PRKAR2A: variants seen among roughly 807,000 people sequenced by gnomAD.
PRKAR2A encodes protein kinase cAMP-dependent type II regulatory subunit alpha, also known as cAMP-dependent protein kinase type II-alpha regulatory subunit.
In PRKAR2A, 29 loss-of-function variants were observed where a neutral mutation model predicts 51.9. The ratio of observed to expected loss-of-function variants is 0.56; its 90% CI spans 0.42 to 0.76. The LOEUF is 0.76. PRKAR2A is among the 30% of genes least tolerant of loss of function. The probability of loss-of-function intolerance (pLI) is 0.00; values close to 1 mark genes in which losing one functional copy is unlikely to be tolerated. For missense variants in PRKAR2A, 445 were observed against 512.1 expected (o/e 0.87, Z 1.26); for synonymous variants, 178 against 186.2 (o/e 0.96, Z 0.36).
chr3:48,790,430 G>A (rs1394466630), intron 4 of PRKAR2A, 114 bp downstream of exon 4: 1 of 621,266 alleles, frequency 1.6e-6, no homozygotes, highest in African/African-American at 1.9e-5. Flanking sequence ...ATGAATCTAA[G>A]GTTTTATGCT....
At chr3:48,783,329 A>C (rs1324481486) in intron 4 of PRKAR2A, among the ~76,000 whole-genome samples, 2 of 152,144 alleles carry the variant, frequency 1.3e-5, no homozygotes, top group African/African-American at 4.8e-5. Flanking sequence ...AAAGCTTCCC[A>C]AAATTTACAC....
intron 6 of PRKAR2A, among the ~76,000 whole-genome samples, chr3:48,772,672 G>A (rs917775639): frequency 4.0e-5 from 6 of 151,682 alleles, no homozygotes; most frequent in African/African-American, 9.7e-5. Flanking sequence ...ACGGAGTCTC[G>A]CTGTGTCGCC....
chr3:48,817,529 T>C (rs1001786603), intron 1 of PRKAR2A, among the ~76,000 whole-genome samples: 6 of 149,088 alleles, frequency 4.0e-5, no homozygotes, highest in African/African-American at 1.5e-4. Flanking sequence ...GGCGGGCGCC[T>C]GTAATCCCAG....
In PRKAR2A at chr3:48,847,147, G is replaced by C. The variant is rs2083477010; in HGVS notation, c.262+188C>G. Among the ~76,000 whole-genome samples, 1 of 152,192 alleles carries C rather than the reference G, an allele frequency of 6.6e-6. No homozygotes were observed. The highest frequency in any genetic ancestry group is 2.4e-5 in the African/African-American group (1 of 41,448). ...GCTCTAGGGCTCGCAGGATCGCGGA[G>C]CTCAATTTGGAAGTGGCGCACGCGG... On this transcript the variant is annotated intron_variant, in intron 1 of 10. Transcript: ENST00000265563. This position sits in a 1 kb window ranked among gnomAD's most constrained non-coding sequence, Gnocchi z 4.4.
rs2081638779 is a variant in PRKAR2A, at chr3:48,750,991, G to T, written c.*594C>A. The T allele has an allele frequency of 4.2e-6, 1 of 240,528 alleles. No individual in the cohort carries two copies. Among genetic ancestry groups the T allele is most frequent in the Non-Finnish European group, 8.3e-6 (1 of 121,178 alleles). The allele number at this position is 240,528 out of a possible 1,614,324, so 14.9% of individuals were successfully genotyped here. On this transcript the variant is annotated 3_prime_UTR_variant, in exon 11 of 11. Coordinates refer to ENST00000265563, the MANE Select transcript of PRKAR2A (RefSeq NM_004157.4). ...TTCCCTAAGCATCACTGTGGGTTTGGAGACAGCTGTAATGTGTGCAGCTGT... is the reference window on the plus strand; with the variant it reads ...TTCCCTAAGCATCACTGTGGGTTTGTAGACAGCTGTAATGTGTGCAGCTGT...
intron 1 of PRKAR2A, among the ~76,000 whole-genome samples, chr3:48,820,803 G>A (rs371808882): frequency 4.6e-5 from 7 of 152,106 alleles, no homozygotes; most frequent in African/African-American, 1.7e-4. Flanking sequence ...AGGCAGAAGG[G>A]AAGGCATATG....
At chr3:48,827,062 C>T (rs2083080255) in intron 1 of PRKAR2A, among the ~76,000 whole-genome samples, 1 of 152,082 alleles carries the variant, frequency 6.6e-6, no homozygotes, top group East Asian at 1.9e-4. Context: ...TATCTACTAA[C>T]CATTTTTAAA....
rs539583646 is a variant in PRKAR2A, at chr3:48,815,901, C to T, written c.263-8217G>A. ...GGGCGTGGTGGCACGCGCCTGTAAT[C>T]CCAGCTACTCAGGAGGCTGAGGCAG... On this transcript the variant is annotated intron_variant, in intron 1 of 10. Coordinates refer to ENST00000265563, the MANE Select transcript of PRKAR2A (RefSeq NM_004157.4). Among the ~76,000 whole-genome samples the T allele has an allele frequency of 4.6e-5, 7 of 151,620 alleles. No homozygotes were observed. In the East Asian group the frequency reaches 1.4e-3, roughly 30 times the overall value.
chr3:48,809,749 A>G (rs1466932369), intron 1 of PRKAR2A, among the ~76,000 whole-genome samples: 1 of 152,130 alleles, frequency 6.6e-6, no homozygotes, highest in Non-Finnish European at 1.5e-5. Flanking sequence ...ATCTATAAAT[A>G]AGGGTGCTGT....
At chr3:48,784,720 G>C (rs1419998985) in intron 4 of PRKAR2A, among the ~76,000 whole-genome samples, 1 of 152,168 alleles carries the variant, frequency 6.6e-6, no homozygotes, top group Non-Finnish European at 1.5e-5. Context: ...ATGAAATACA[G>C]TAAGTCCTCA....
intron 2 of PRKAR2A, among the ~76,000 whole-genome samples, chr3:48,806,494 A>T (rs1178004582): frequency 6.6e-6 from 1 of 152,160 alleles, no homozygotes; most frequent in Non-Finnish European, 1.5e-5. Flanking sequence ...TTTTTAAAAA[A>T]GATGATGTGC....
intron 1 of PRKAR2A, among the ~76,000 whole-genome samples, chr3:48,808,134 G>A (rs1386083588): frequency 6.9e-6 from 1 of 145,618 alleles, no homozygotes; most frequent in Admixed American, 7.3e-5. Flanking sequence ...TGCAAGCTCC[G>A]CCTCCCACGT....
chr3:48,821,421 C>G (rs1449540807), intron 1 of PRKAR2A, among the ~76,000 whole-genome samples: 1 of 152,214 alleles, frequency 6.6e-6, no homozygotes, highest in Non-Finnish European at 1.5e-5. Context: ...AAAACTCTTA[C>G]TGATAATCCA....
chr3:48,789,406 C>T (rs2082346397), intron 4 of PRKAR2A, among the ~76,000 whole-genome samples: 1 of 152,112 alleles, frequency 6.6e-6, no homozygotes, highest in Non-Finnish European at 1.5e-5. Flanking sequence ...GTAACTTGTG[C>T]AGTCTGAGGT....
intron 10 of PRKAR2A, among the ~76,000 whole-genome samples, 173 bp downstream of exon 10, chr3:48,752,003 C>T (rs962110814): frequency 6.6e-6 from 1 of 152,180 alleles, no homozygotes; most frequent in African/African-American, 2.4e-5. Flanking sequence ...AGGCTGTCAT[C>T]AGTACTCAGA....
At chr3:48,808,534 T>G (rs796930475) in intron 1 of PRKAR2A, among the ~76,000 whole-genome samples, 3 of 151,718 alleles carry the variant, frequency 2.0e-5, no homozygotes, top group Non-Finnish European at 2.9e-5. Context: ...ATTACAGGCG[T>G]GAGCCACCGC....
intron 1 of PRKAR2A, among the ~76,000 whole-genome samples, chr3:48,808,048 C>CTTT (rs1181440560): frequency 9.8e-5 from 12 of 122,700 alleles, no homozygotes; most frequent in African/African-American, 1.8e-4. Context: ...TTCTTTCTTT[C>CTTT]TTTTTTTTTT....
Position 48,847,470 on chromosome 3 carries a change from C to G in PRKAR2A, c.127G>C (p.Ala43Pro). Residue 43 changes from alanine to proline, a missense_variant, in exon 1 of 11, where the codon GCC becomes CCC. By Grantham distance (27) the Ala-to-Pro change is conservative (BLOSUM62 -1). Coordinates refer to ENST00000265563, the MANE Select transcript of PRKAR2A (RefSeq NM_004157.4). The surrounding 1 kb of genome is among the most constrained non-coding windows in gnomAD (Gnocchi z 4.4). ...AVEYFTRLREARAPASVLPAA... is the reference protein window; with the variant it reads ...AVEYFTRLREPRAPASVLPAA... ...GGCAGGACTGAGGCTGGGGCGCGGG[C>G]CTCGCGCAGGCGGGTGAAGTACTCC... is the stretch of plus-strand genomic sequence containing the variant. The G allele has an allele frequency of 6.4e-7, 1 of 1,568,134 alleles. No homozygotes were observed. The highest frequency in any genetic ancestry group is 8.6e-7 in the Non-Finnish European group (1 of 1,156,842).
At chr3:48,834,683 C>T (rs914079536) in intron 1 of PRKAR2A, among the ~76,000 whole-genome samples, 1 of 148,098 alleles carries the variant, frequency 6.8e-6, no homozygotes, top group Non-Finnish European at 1.5e-5. Flanking sequence ...CCATGATCAT[C>T]GCTGCACTCT....
Sources: allele counts gnomAD v4.1 joint callset (sites outside exome capture counted in the v4.1 genomes callset), GRCh38; gene constraint gnomAD v4.1.1; non-coding constraint Gnocchi (gnomAD v3.1); transcripts MANE v1.5; gene names NCBI Gene and HGNC (gene_info 2026-07-23, HGNC 2026-07-21).